SHARPIN: variants seen among roughly 807,000 people sequenced by gnomAD.
SHARPIN encodes the protein SHANK associated RH domain interactor.
Under a neutral mutation model 40.3 loss-of-function variants are expected in SHARPIN, and 25 were observed. The observed-to-expected ratio is 0.62, with a 90% CI of 0.45 to 0.87. The LOEUF (loss-of-function observed/expected upper bound fraction) is 0.87, where lower values mean the gene tolerates loss of function less well. Ranked by LOEUF, SHARPIN falls within the 40% of genes least tolerant of loss-of-function variation. The pLI is 0.00. For missense variants in SHARPIN, 551 were observed against 516.1 expected (o/e 1.07, Z -0.66); for synonymous variants, 274 against 221.8 (o/e 1.24, Z -2.09).
chr8:144,103,617 A>G lies in SHARPIN; in HGVS notation c.137T>C (p.Leu46Pro). The G allele has an allele frequency of 6.5e-7, 1 of 1,529,564 alleles. No homozygotes were observed. The allele number at this position is 1,529,564 out of a possible 1,614,324, so 94.7% of individuals were successfully genotyped here. The change falls in exon 1 of 9, where the codon CTG becomes CCG. Residue 46 changes from leucine to proline, a missense_variant. Physicochemically the swap from Leu to Pro is moderately conservative, Grantham distance 98. Transcript: ENST00000398712. ...DAEAQLRRLQ[L>P]SADPERPGRF... ...CCCAGGCCGCTCAGGGTCCGCGCTC[A>G]GCTGCAGCCTCCGCAGCTGTGCCTC...
At position 144,103,230 on chromosome 8, in the gene SHARPIN, G is replaced by A. The variant is rs1836325743; in HGVS notation, c.202-5C>T. On this transcript the variant is annotated splice_region_variant and splice_polypyrimidine_tract_variant and intron_variant, in intron 1 of 8. Coordinates refer to ENST00000398712, the MANE Select transcript of SHARPIN (RefSeq NM_030974.4). ...CAGGGGCCACTCCAAATTAACCTGA[G>A]AAGAGGGAGAGTCCAGGCTCAGGGC... 1 of 1,598,068 alleles carries A rather than the reference G, an allele frequency of 6.3e-7. No homozygotes were observed. Among genetic ancestry groups the A allele is most frequent in the South Asian group, 1.1e-5 (1 of 89,640 alleles).
intron 3 of SHARPIN, 37 bp from the exon 4 acceptor site, chr8:144,099,881 G>C (rs773682714): frequency 6.2e-7 from 1 of 1,610,736 alleles, no homozygotes; most frequent in Non-Finnish European, 8.5e-7. Flanking sequence ...CACCACTGGG[G>C]ACTATCTGCT....
At position 144,098,798 on chromosome 8, in the gene SHARPIN, A is replaced by G. The variant is rs546878969; in HGVS notation, c.*13-10T>C. On this transcript the variant is annotated splice_polypyrimidine_tract_variant and intron_variant, in intron 8 of 8. Transcript: ENST00000398712. ...ACTCTCCCCTTGTAACCTGTGGGGG[A>G]GGAGCTGGGTCATTCCTGTGGATTC... 21 of 1,094,146 alleles carry G rather than the reference A, an allele frequency of 1.9e-5. No homozygotes were observed. The East Asian group carries it at 5.3e-4, about 27-fold the overall frequency. The allele number at this position is 1,094,146 out of a possible 1,614,324, so 67.8% of individuals were successfully genotyped here. A position where few individuals can be genotyped will look rare whatever the true frequency, so the allele number is the denominator to read the frequency against.
chr8:144,099,577 G>A lies in SHARPIN; in HGVS notation c.701C>T (p.Ala234Val), dbSNP rs1313789223. Residue 234 changes from alanine to valine, a missense_variant, in exon 5 of 9, where the codon GCC becomes GTC. Physicochemically the swap from Ala to Val is moderately conservative, Grantham distance 64 (BLOSUM62 0). Transcript: ENST00000398712. ...TLEDAASAAS[A>V]ASSAHVALQV... ...CAGGGCAACGTGTGCAGAGGACGCG[G>A]CGGATGCGGCAGAGGCAGCGTCTTC... 1 of 1,614,136 alleles carries A rather than the reference G, an allele frequency of 6.2e-7. No individual in the cohort carries two copies. Among genetic ancestry groups the A allele is most frequent in the Admixed American group, 1.7e-5 (1 of 60,022 alleles).
chr8:144,100,359 C>G (rs1011072733), intron 2 of SHARPIN, among the ~76,000 whole-genome samples: 2 of 152,258 alleles, frequency 1.3e-5, no homozygotes, highest in Non-Finnish European at 2.9e-5. Context: ...TTCTGCCAGC[C>G]AGGGATGCCT....
In SHARPIN at chr8:144,099,238, C is replaced by T. The variant is rs571752438; in HGVS notation, c.923-33G>A. 4.6e-5 allele frequency: 74 copies of T among 1,612,610 alleles called. No individual in the cohort carries two copies. In the South Asian group the frequency reaches 7.0e-4, roughly 15 times the overall value. ...GGTGGAGCTCAGGACTGTGGGGCTG[C>T]ACCCCACCTCCCACACCCCACCCCC... On this transcript the variant is annotated intron_variant, in intron 6 of 8. Coordinates refer to ENST00000398712, the MANE Select transcript of SHARPIN (RefSeq NM_030974.4).
chr8:144,101,627 AGGATG>A lies in SHARPIN; in HGVS notation c.376+1419_376+1423del, dbSNP rs368240296. ...TAGTCAGGGTTTCACCGTGTTAGCC[AGGATG>A]GTCTCGATCTCTTAACCTCATGATC... is the stretch of plus-strand genomic sequence containing the variant. On this transcript the variant is annotated intron_variant, in intron 2 of 8. Transcript: ENST00000398712. Among the ~76,000 whole-genome samples the A allele has an allele frequency of 3.7e-4, 51 of 138,846 alleles. No homozygotes were observed. In the East Asian group the frequency reaches 8.8e-3, roughly 24 times the overall value. The allele number at this position is 138,846 out of a possible 152,430, so 91.1% of individuals were successfully genotyped here.
chr8:144,099,146 G>A lies in SHARPIN; in HGVS notation c.982C>T (p.Pro328Ser). ...KMDGELGRLF[P>S]PSLGLPPGPQ... Reference sequence around the variant, plus strand: ...CCTGGGGGTAGCCCCAATGATGGGGGAAACAAGCGTCCAAGTTCCCCGTCC... The same window carrying A: ...CCTGGGGGTAGCCCCAATGATGGGGAAAACAAGCGTCCAAGTTCCCCGTCC... Residue 328 changes from proline to serine, a missense_variant, in exon 7 of 9, where the codon CCC becomes TCC. By Grantham distance (74) the Pro-to-Ser change is moderately conservative (BLOSUM62 -1). Transcript: ENST00000398712. 1 of 1,591,274 alleles carries A rather than the reference G, an allele frequency of 6.3e-7. No homozygotes were observed. The highest frequency in any genetic ancestry group is 1.7e-4 in the Middle Eastern group (1 of 5,908).
At position 144,098,841 on chromosome 8, in the gene SHARPIN, C is replaced by T. The variant is rs568386578; in HGVS notation, c.*12+25G>A. On this transcript the variant is annotated intron_variant, in intron 8 of 8. Coordinates refer to ENST00000398712, the MANE Select transcript of SHARPIN (RefSeq NM_030974.4). ...GTGGATTCTGCCCTGCCCCCCACCT[C>T]CCCTGCCTGTGCCACCTCTGGTACC... The T allele has an allele frequency of 2.1e-5, 32 of 1,507,722 alleles. No homozygotes were observed. The East Asian group carries it at 4.9e-4, about 23-fold the overall frequency. 93.4% of individuals were successfully genotyped at this position (1,507,722 alleles called of 1,614,324 possible).
At chr8:144,102,904 C>G in intron 2 of SHARPIN, 147 bp downstream of exon 2, 1 of 922,708 alleles carries the variant, frequency 1.1e-6, no homozygotes, top group South Asian at 1.5e-5. Context: ...ACTCCAAGTA[C>G]TCCAAGCTAC....
chr8:144,103,609 C>T lies in SHARPIN; in HGVS notation c.145G>A (p.Asp49Asn), dbSNP rs1428652617. The change falls in exon 1 of 9, where the codon GAC (aspartate) becomes AAC (asparagine). Residue 49 changes from aspartate to asparagine, a missense_variant. Asp to Asn is a conservative substitution (Grantham distance 23). Transcript: ENST00000398712. Reference sequence around the variant, plus strand: ...CGGAAGCGCCCAGGCCGCTCAGGGTCCGCGCTCAGCTGCAGCCTCCGCAGC... The same window carrying T: ...CGGAAGCGCCCAGGCCGCTCAGGGTTCGCGCTCAGCTGCAGCCTCCGCAGC... ...AQLRRLQLSA[D>N]PERPGRFRLE... is the part of the protein sequence containing the mutation. 2 of 1,530,182 alleles carry T rather than the reference C, an allele frequency of 1.3e-6. No homozygotes were observed. Among genetic ancestry groups the T allele is most frequent in the African/African-American group, 1.4e-5 (1 of 72,490 alleles). The allele number at this position is 1,530,182 out of a possible 1,614,324, so 94.8% of individuals were successfully genotyped here.
At position 144,099,949 on chromosome 8, in the gene SHARPIN, G is replaced by A. The variant is rs1388112830; in HGVS notation, c.497C>T (p.Pro166Leu). The A allele has an allele frequency of 6.4e-7, 1 of 1,563,504 alleles. No individual in the cohort carries two copies. Among genetic ancestry groups the A allele is most frequent in the Non-Finnish European group, 8.7e-7 (1 of 1,150,800 alleles). Residue 166 changes from proline (P) to leucine (L), a missense_variant, in exon 3 of 9, where the codon CCT becomes CTT. Pro to Leu is a moderately conservative substitution (Grantham distance 98, BLOSUM62 -3). Coordinates refer to ENST00000398712, the MANE Select transcript of SHARPIN (RefSeq NM_030974.4). ...TGTACCTCTCTCCGTCAAGTTTCCA[G>A]GGCTCCTAGGAAGATCTGCCTCAGG... ...PPPEADLPRS[P>L]GNLTEREELA...
chr8:144,099,421 C>G lies in SHARPIN; in HGVS notation c.778G>C (p.Glu260Gln), dbSNP rs1379708654. 3.1e-6 allele frequency: 5 copies of G among 1,611,596 alleles called. No individual in the cohort carries two copies. In the African/African-American group the frequency reaches 6.7e-5, roughly 22 times the overall value. ...TGCACGGCTGGCGGGAAACCGAGCT[C>G]TGAGAACACCTGTGGCCAGAGCATC... Reference protein sequence around the residue: ...VAALQEQVFSELGFPPAVQRW... With the variant: ...VAALQEQVFSQLGFPPAVQRW... The change falls in exon 6 of 9, where the codon GAG (glutamate) becomes CAG (glutamine). Residue 260 changes from glutamate to glutamine, a missense_variant. Physicochemically the swap from Glu to Gln is conservative, Grantham distance 29. Coordinates refer to ENST00000398712, the MANE Select transcript of SHARPIN (RefSeq NM_030974.4).
At chr8:144,102,430 C>T (rs1449579031) in intron 2 of SHARPIN, among the ~76,000 whole-genome samples, 9 of 152,104 alleles carry the variant, frequency 5.9e-5, no homozygotes, top group Non-Finnish European at 8.8e-5. Flanking sequence ...CACGCCACCA[C>T]GCCTGGCTAA....
rs774430882 is a variant in SHARPIN, at chr8:144,099,358, G to A, written c.841C>T (p.Arg281Cys). 17 of 1,613,902 alleles carry A rather than the reference G, an allele frequency of 1.1e-5. No homozygotes were observed. The highest frequency in any genetic ancestry group is 5.0e-5 in the Admixed American group (3 of 59,996). ...VIGRCLCVPE[R>C]SLASYGVRQD... ...CGAACCCCGTAAGAGGCAAGGCTGC[G>A]CTCAGGCACACACAGGCACCGTCCG... The change falls in exon 6 of 9, where the codon CGC (arginine) becomes TGC (cysteine). Residue 281 changes from arginine (R) to cysteine (C), a missense_variant. By Grantham distance (180) the Arg-to-Cys change is radical. Coordinates refer to ENST00000398712, the MANE Select transcript of SHARPIN (RefSeq NM_030974.4).
intron 2 of SHARPIN, among the ~76,000 whole-genome samples, chr8:144,101,779 C>G (rs755829381): frequency 4.6e-5 from 7 of 151,996 alleles, no homozygotes; most frequent in Non-Finnish European, 8.8e-5. Flanking sequence ...ATATGTCTGC[C>G]TCCTCCCCTC....
In SHARPIN at chr8:144,099,131, G is replaced by A. The variant is rs377181483; in HGVS notation, c.997C>T (p.Leu333=). The A allele has an allele frequency of 6.3e-7, 1 of 1,590,352 alleles. No individual in the cohort carries two copies. Among genetic ancestry groups the A allele is most frequent in the South Asian group, 1.1e-5 (1 of 88,620 alleles). The part of the protein sequence containing the change: ...LGRLFPPSLG[L]PPGPQPAASS... Reference sequence around the variant, plus strand: ...GCAGCTGGCTGGGGGCCTGGGGGTAGCCCCAATGATGGGGGAAACAAGCGT... The same window carrying A: ...GCAGCTGGCTGGGGGCCTGGGGGTAACCCCAATGATGGGGGAAACAAGCGT... The change falls in exon 7 of 9, where the codon CTA becomes TTA. Residue 333 remains leucine, a synonymous_variant. Transcript: ENST00000398712.
chr8:144,103,485 C>T (rs1321995558), intron 1 of SHARPIN, 68 bp downstream of exon 1: 1 of 1,463,780 alleles, frequency 6.8e-7, no homozygotes, highest in Non-Finnish European at 9.2e-7. Flanking sequence ...AGCGGAGGGG[C>T]CTAACTTTGG....
In SHARPIN at chr8:144,098,992, G is replaced by T; in HGVS notation, c.1050C>A (p.Pro350=). The T allele has an allele frequency of 6.2e-7, 1 of 1,602,692 alleles. No individual in the cohort carries two copies. The highest frequency in any genetic ancestry group is 8.5e-7 in the Non-Finnish European group (1 of 1,176,812). The part of the protein sequence containing the change: ...AASSLPSPLQ[P]SWSCPSCTFI... ...AGGTGCAGGAAGGACAGGACCAGCT[G>T]GGCTGGGGGAAGAGAGACAGTTGTT... The change falls in exon 8 of 9, where the codon CCC becomes CCA. Residue 350 remains proline, a splice_region_variant and synonymous_variant. Coordinates refer to ENST00000398712, the MANE Select transcript of SHARPIN (RefSeq NM_030974.4).
Sources: gnomAD v4.1 joint callset for allele counts (sites outside exome capture counted in the v4.1 genomes callset) on GRCh38, gnomAD v4.1.1 for gene constraint, MANE v1.5 for transcripts, NCBI Gene and HGNC (gene_info 2026-07-23, HGNC 2026-07-21) for gene names.